REM1: variants seen among roughly 807,000 people sequenced by gnomAD.
The protein encoded by REM1 is GTP-binding protein REM 1.
REM1 carries 20 observed loss-of-function variants against 27.0 expected under a neutral mutation model. That is an observed-to-expected ratio of 0.74 (90% CI 0.52 to 1.08). REM1 has a LOEUF of 1.08. Among genes scored for constraint, REM1 ranks in the 50% least tolerant of loss-of-function variants. The pLI is 0.00. For synonymous variants in REM1, 159 were observed against 167.9 expected (o/e 0.95, Z 0.41); for missense variants, 405 against 407.0 (o/e 1.00, Z 0.04).
chr20:31,482,448 C>T lies in REM1; in HGVS notation c.585C>T (p.Asn195=), dbSNP rs1462243146. 1.2e-6 allele frequency: 2 copies of T among 1,614,196 alleles called. No individual in the cohort carries two copies. The highest frequency in any genetic ancestry group is 1.7e-6 in the Non-Finnish European group (2 of 1,180,040). ...ADHVPIILVG[N]KADLARCREV... Reference sequence around the variant, plus strand: ...ATGTGCCCATCATCCTCGTGGGCAACAAGGCAGACTTGGCCCGCTGCCGAG... The same window carrying T: ...ATGTGCCCATCATCCTCGTGGGCAATAAGGCAGACTTGGCCCGCTGCCGAG... The change falls in exon 4 of 5, where the codon AAC becomes AAT. Residue 195 remains asparagine (N), a synonymous_variant. Coordinates refer to ENST00000201979, the MANE Select transcript of REM1 (RefSeq NM_014012.6).
chr20:31,484,269 C>T lies in REM1; in HGVS notation c.736C>T (p.Arg246Cys). ...FEGVVRQLRL[R>C]RRDSAAKEPP... is the part of the protein sequence containing the mutation. Reference sequence around the variant, plus strand: ...GGGCGTGGTGCGCCAACTGCGCTTGCGCCGCCGGGACAGTGCGGCCAAGGA... The same window carrying T: ...GGGCGTGGTGCGCCAACTGCGCTTGTGCCGCCGGGACAGTGCGGCCAAGGA... Residue 246 changes from arginine (R) to cysteine (C), a missense_variant, in exon 5 of 5, where the codon CGC becomes TGC. By Grantham distance (180) the Arg-to-Cys change is radical. Coordinates refer to ENST00000201979, the MANE Select transcript of REM1 (RefSeq NM_014012.6). 6.3e-7 allele frequency: 1 copy of T among 1,596,808 alleles called. No individual in the cohort carries two copies. Among genetic ancestry groups the T allele is most frequent in the Middle Eastern group, 1.7e-4 (1 of 6,014 alleles).
At chr20:31,480,403 A>C (rs1346383391) in intron 3 of REM1, among the ~76,000 whole-genome samples, 1 of 151,980 alleles carries the variant, frequency 6.6e-6, no homozygotes, top group Non-Finnish European at 1.5e-5. Context: ...AGCTCACTGT[A>C]ACCTCCGCCT....
In REM1 at chr20:31,484,150, C is replaced by T; in HGVS notation, c.626-9C>T. The T allele has an allele frequency of 6.4e-7, 1 of 1,565,244 alleles. No homozygotes were observed. On this transcript the variant is annotated splice_polypyrimidine_tract_variant and intron_variant, in intron 4 of 4. Coordinates refer to ENST00000201979, the MANE Select transcript of REM1 (RefSeq NM_014012.6). ...CTCCACCCCTCCTCGCCGGGCCCCG[C>T]CCCCTTAGAGGGCCGCGCCTGCGCT...
Position 31,477,911 on chromosome 20 carries a change from G to A in REM1, c.423+1G>A, listed in dbSNP as rs772122529. On this transcript the variant is annotated splice_donor_variant, in intron 3 of 4. Transcript: ENST00000201979. LOFTEE classifies it high-confidence loss of function. ...GGACACCTGGGAGGCCGAGAAACTG[G>A]TATGGCACTGCAAGCAGAATTTGGG... 1.9e-6 allele frequency: 3 copies of A among 1,597,064 alleles called. 1 individual carries two copies. The highest frequency in any genetic ancestry group is 2.2e-5 in the East Asian group (1 of 44,764).
chr20:31,478,917 CT>C (rs1159842408), intron 3 of REM1, among the ~76,000 whole-genome samples: 1 of 151,912 alleles, frequency 6.6e-6, no homozygotes, highest in Non-Finnish European at 1.5e-5. Flanking sequence ...TCACTGCAAC[CT>C]CCGCCTCCCA....
intron 4 of REM1, among the ~76,000 whole-genome samples, chr20:31,483,676 G>C (rs1240218225): frequency 1.3e-5 from 2 of 151,028 alleles, no homozygotes; most frequent in Admixed American, 1.3e-4. Flanking sequence ...GACCCAGAAA[G>C]GAAAAAGCTA....
chr20:31,484,142 G>A lies in REM1; in HGVS notation c.626-17G>A, dbSNP rs1488130616. On this transcript the variant is annotated splice_polypyrimidine_tract_variant and intron_variant, in intron 4 of 4. Transcript: ENST00000201979. ...CGTTATGGCTCCACCCCTCCTCGCC[G>A]GGCCCCGCCCCCTTAGAGGGCCGCG... 1.9e-6 allele frequency: 3 copies of A among 1,553,198 alleles called. No individual in the cohort carries two copies. In the Admixed American group the frequency reaches 5.6e-5, roughly 29 times the overall value.
intron 3 of REM1, among the ~76,000 whole-genome samples, chr20:31,478,875 C>A (rs1980621294): frequency 6.6e-6 from 1 of 150,976 alleles, no homozygotes; most frequent in African/African-American, 2.4e-5. Flanking sequence ...ACTCTTGTTG[C>A]CCAGGCTGGA....
chr20:31,484,310 A>G lies in REM1; in HGVS notation c.777A>G (p.Arg259=), dbSNP rs1568765043. 1 of 1,577,758 alleles carries G rather than the reference A, an allele frequency of 6.3e-7. No individual in the cohort carries two copies. Among genetic ancestry groups the G allele is most frequent in the South Asian group, 1.2e-5 (1 of 86,708 alleles). Residue 259 remains arginine, a synonymous_variant, in exon 5 of 5, where the codon CGA becomes CGG. Transcript: ENST00000201979. Reference sequence around the variant, plus strand: ...CGGCCAAGGAACCCCCAGCACCCCGACGGCCGGCCAGCCTAGCCCAGCGCG... The same window carrying G: ...CGGCCAAGGAACCCCCAGCACCCCGGCGGCCGGCCAGCCTAGCCCAGCGCG... The part of the protein sequence containing the change: ...DSAAKEPPAP[R]RPASLAQRAR...
At position 31,476,561 on chromosome 20, in the gene REM1, C is replaced by G. The variant is rs765563087; in HGVS notation, c.116C>G (p.Thr39Ser). The change falls in exon 2 of 5, where the codon ACT becomes AGT. Residue 39 changes from threonine (T) to serine (S), a missense_variant. By Grantham distance (58) the Thr-to-Ser change is moderately conservative. Transcript: ENST00000201979. ...QPGRLSTVPS[T>S]QSQHPRLGQS... ...GGCCGCCTGAGCACAGTGCCTTCCA[C>G]TCAATCCCAGCATCCCCGGCTGGGC... The G allele has an allele frequency of 3.1e-6, 5 of 1,614,190 alleles. No individual in the cohort carries two copies. Among genetic ancestry groups the G allele is most frequent in the Non-Finnish European group, 3.4e-6 (4 of 1,180,014 alleles).
Position 31,476,572 on chromosome 20 carries a change from C to T in REM1, c.127C>T (p.His43Tyr). The T allele has an allele frequency of 6.2e-7, 1 of 1,614,214 alleles. No homozygotes were observed. The highest frequency in any genetic ancestry group is 8.5e-7 in the Non-Finnish European group (1 of 1,180,026). The change falls in exon 2 of 5, where the codon CAT becomes TAT. Residue 43 changes from histidine (H) to tyrosine (Y), a missense_variant. Transcript: ENST00000201979. ...CACAGTGCCTTCCACTCAATCCCAG[C>T]ATCCCCGGCTGGGCCAATCAGCCTC... ...LSTVPSTQSQ[H>Y]PRLGQSASLN...
Position 31,476,612 on chromosome 20 carries a change from C to A in REM1, c.167C>A (p.Thr56Asn), listed in dbSNP as rs2122467523. ...CAATCAGCCTCCCTCAACCCTCCCA[C>A]CCAGAAACCTTCACCTGCCCCAGAT... is the stretch of plus-strand genomic sequence containing the variant. ...LGQSASLNPP[T>N]QKPSPAPDDW... The change falls in exon 2 of 5, where the codon ACC becomes AAC. Residue 56 changes from threonine (T) to asparagine (N), a missense_variant. Coordinates refer to ENST00000201979, the MANE Select transcript of REM1 (RefSeq NM_014012.6). 1.2e-6 allele frequency: 2 copies of A among 1,614,190 alleles called. No homozygotes were observed. Among genetic ancestry groups the A allele is most frequent in the African/African-American group, 2.7e-5 (2 of 75,050 alleles).
chr20:31,475,979 G>A lies in REM1; in HGVS notation c.-219-248G>A, dbSNP rs1477202077. Among the ~76,000 whole-genome samples, 1 of 152,240 alleles carries A rather than the reference G, an allele frequency of 6.6e-6. No homozygotes were observed. Among genetic ancestry groups the A allele is most frequent in the Non-Finnish European group, 1.5e-5 (1 of 68,042 alleles). ...AACCCAGAAGCTGTGAAAGAGAGCG[G>A]TGGGGAAGGGGAGGAGGGGGACAAT... is the stretch of plus-strand genomic sequence containing the variant. On this transcript the variant is annotated intron_variant, in intron 1 of 4. Coordinates refer to ENST00000201979, the MANE Select transcript of REM1 (RefSeq NM_014012.6). The surrounding 1 kb of genome is among the most constrained non-coding windows in gnomAD (Gnocchi z 5.0).
intron 3 of REM1, among the ~76,000 whole-genome samples, chr20:31,478,740 C>A (rs1187627156): frequency 6.6e-6 from 1 of 151,942 alleles, no homozygotes; most frequent in Non-Finnish European, 1.5e-5. Context: ...AACCAAAGAC[C>A]AGAGCGGTTA....
At chr20:31,483,118 G>T (rs1282039554) in intron 4 of REM1, among the ~76,000 whole-genome samples, 6 of 152,248 alleles carry the variant, frequency 3.9e-5, no homozygotes, top group Non-Finnish European at 7.3e-5. Context: ...TGGCCAACAT[G>T]GTGAAACCCC....
chr20:31,479,685 G>A (rs1216196535), intron 3 of REM1, among the ~76,000 whole-genome samples: 3 of 152,154 alleles, frequency 2.0e-5, no homozygotes, highest in East Asian at 1.9e-4. Context: ...CCGTCTGTGC[G>A]CTACATGGTA....
At chr20:31,481,903 G>C (rs1411546320) in intron 3 of REM1, among the ~76,000 whole-genome samples, 1 of 152,032 alleles carries the variant, frequency 6.6e-6, no homozygotes, top group Non-Finnish European at 1.5e-5. Context: ...ATTTCACCAG[G>C]CATAAAGAAC....
rs774872348 is a variant in REM1, at chr20:31,484,140, C to A, written c.626-19C>A. On this transcript the variant is annotated intron_variant, in intron 4 of 4. Coordinates refer to ENST00000201979, the MANE Select transcript of REM1 (RefSeq NM_014012.6). ...TCCGTTATGGCTCCACCCCTCCTCG[C>A]CGGGCCCCGCCCCCTTAGAGGGCCG... The A allele has an allele frequency of 8.4e-5, 131 of 1,555,176 alleles. 3 individuals carry two copies. The Middle Eastern group carries it at 2.4e-3, about 29-fold the overall frequency.
Position 31,484,144 on chromosome 20 carries a change from GC to G in REM1, c.626-11del. 1.3e-6 allele frequency: 2 copies of G among 1,559,570 alleles called. No homozygotes were observed. Among genetic ancestry groups the G allele is most frequent in the Non-Finnish European group, 1.7e-6 (2 of 1,150,168 alleles). ...TTATGGCTCCACCCCTCCTCGCCGG[GC>G]CCCGCCCCCTTAGAGGGCCGCGCCT... On this transcript the variant is annotated splice_polypyrimidine_tract_variant and intron_variant, in intron 4 of 4. Coordinates refer to ENST00000201979, the MANE Select transcript of REM1 (RefSeq NM_014012.6).
Sources: gnomAD v4.1 joint callset for allele counts (sites outside exome capture counted in the v4.1 genomes callset) on GRCh38, gnomAD v4.1.1 for gene constraint, Gnocchi (gnomAD v3.1) non-coding constraint, MANE v1.5 for transcripts, NCBI Gene and HGNC (gene_info 2026-07-23, HGNC 2026-07-21) for gene names.